FRAS1: variants seen among roughly 807,000 people sequenced by gnomAD.
FRAS1 encodes extracellular matrix organizing protein FRAS1.
Under a neutral mutation model 435.2 loss-of-function variants are expected in FRAS1, and 290 were observed. That is an observed-to-expected ratio of 0.67 (90% CI 0.61 to 0.73). The LOEUF (loss-of-function observed/expected upper bound fraction) is 0.73, where lower values mean the gene tolerates loss of function less well. Ranked by LOEUF, FRAS1 falls within the 30% of genes least tolerant of loss-of-function variation. The pLI is 0.00. For missense variants in FRAS1, 4,860 were observed against 5,001.5 expected (o/e 0.97, Z 0.85); for synonymous variants, 1,800 against 1,851.0 (o/e 0.97, Z 0.71).
chr4:78,219,771 C>T (rs1723970737), intron 2 of FRAS1, among the ~76,000 whole-genome samples: 1 of 152,124 alleles, frequency 6.6e-6, no homozygotes, highest in Non-Finnish European at 1.5e-5. Context: ...TTTTTGCTGC[C>T]ACTCCATAGA....
At chr4:78,193,951 C>T (rs1329598857) in intron 2 of FRAS1, among the ~76,000 whole-genome samples, 5 of 152,270 alleles carry the variant, frequency 3.3e-5, no homozygotes, top group East Asian at 1.9e-4. Context: ...TCAGGAGCTC[C>T]TTTAGGGCAG....
chr4:78,191,765 C>A (rs1040949980), intron 2 of FRAS1, among the ~76,000 whole-genome samples: 1 of 150,870 alleles, frequency 6.6e-6, no homozygotes, highest in African/African-American at 2.4e-5. Flanking sequence ...TTGTTCAATT[C>A]CCACCTATGA....
intron 12 of FRAS1, 87 bp downstream of exon 12, chr4:78,283,054 T>A: frequency 9.6e-7 from 1 of 1,044,510 alleles, no homozygotes; most frequent in Non-Finnish European, 1.3e-6. Context: ...TTGCTTCTTT[T>A]CATTTTTATT....
At chr4:78,502,586 G>A (rs1720717931) in intron 61 of FRAS1, among the ~76,000 whole-genome samples, 1 of 152,174 alleles carries the variant, frequency 6.6e-6, no homozygotes, top group Admixed American at 6.5e-5. Context: ...ACTTTCTGAA[G>A]TTGCTTATCA....
chr4:78,324,373 T>G (rs1729634196), intron 18 of FRAS1, among the ~76,000 whole-genome samples: 1 of 152,234 alleles, frequency 6.6e-6, no homozygotes, highest in African/African-American at 2.4e-5. Flanking sequence ...GTCTTGTGTT[T>G]ATCTGGCAAC....
At chr4:78,252,970 G>A (rs1725613008) in intron 5 of FRAS1, among the ~76,000 whole-genome samples, 1 of 152,148 alleles carries the variant, frequency 6.6e-6, no homozygotes, top group South Asian at 2.1e-4. Flanking sequence ...TGAGAGCAAA[G>A]AACTGGTCTG....
At chr4:78,283,175 T>C (rs748524396) in intron 12 of FRAS1, among the ~76,000 whole-genome samples, 2 of 152,270 alleles carry the variant, frequency 1.3e-5, no homozygotes, top group Non-Finnish European at 2.9e-5. Flanking sequence ...GCATGTGACC[T>C]TGGGCAAGTC....
At chr4:78,138,962 TG>T (rs1720043074) in intron 2 of FRAS1, among the ~76,000 whole-genome samples, 1 of 152,248 alleles carries the variant, frequency 6.6e-6, no homozygotes, top group African/African-American at 2.4e-5. Flanking sequence ...TTCTCTTGCG[TG>T]TGTGTACATG....
intron 2 of FRAS1, among the ~76,000 whole-genome samples, chr4:78,110,254 A>C (rs1742632765): frequency 1.1e-5 from 1 of 91,390 alleles, no homozygotes; most frequent in Non-Finnish European, 2.1e-5. Flanking sequence ...AAACTACTTT[A>C]AAGTTCATAT....
At chr4:78,254,300 A>G (rs1725688054) in intron 5 of FRAS1, among the ~76,000 whole-genome samples, 1 of 152,202 alleles carries the variant, frequency 6.6e-6, no homozygotes, top group African/African-American at 2.4e-5. Flanking sequence ...CAGCAACTGG[A>G]AGGTACACTC....
chr4:78,181,226 G>A, intron 2 of FRAS1: 1 of 1,609,520 alleles, frequency 6.2e-7, no homozygotes, highest in Non-Finnish European at 8.5e-7. Flanking sequence ...CTCATCCAAA[G>A]TCATCTCTTT....
intron 47 of FRAS1, among the ~76,000 whole-genome samples, chr4:78,462,804 G>A (rs1346923999): frequency 1.3e-5 from 2 of 152,160 alleles, no homozygotes; most frequent in Non-Finnish European, 2.9e-5. Context: ...AAAAATTAAT[G>A]CCCCCATATT....
chr4:78,524,273 G>C (rs1212705626), intron 69 of FRAS1, among the ~76,000 whole-genome samples: 1 of 152,176 alleles, frequency 6.6e-6, no homozygotes, highest in Admixed American at 6.5e-5. Flanking sequence ...TATCTTTTAG[G>C]AGCTTACCTT....
At chr4:78,533,929 C>A (rs1375754999) in intron 70 of FRAS1, among the ~76,000 whole-genome samples, 1 of 152,130 alleles carries the variant, frequency 6.6e-6, no homozygotes, top group African/African-American at 2.4e-5. Flanking sequence ...CAGAACTGAG[C>A]CTTGGGAGCG....
At position 78,508,831 on chromosome 4, in the gene FRAS1, G is replaced by A; in HGVS notation, c.9605G>A (p.Cys3202Tyr). ...TACCCACTGGTCTGTGTCACCCCCTGCGACCCTCATTTCCCCAGATACGCT... is the reference window on the plus strand; with the variant it reads ...TACCCACTGGTCTGTGTCACCCCCTACGACCCTCATTTCCCCAGATACGCT... ...PGYPLVCVTP[C>Y]DPHFPRYAVM... Residue 3202 changes from cysteine to tyrosine, a missense_variant, in exon 63 of 74, where the codon TGC (cysteine) becomes TAC (tyrosine). Coordinates refer to ENST00000512123, the MANE Select transcript of FRAS1 (RefSeq NM_025074.7). 1 of 1,613,758 alleles carries A rather than the reference G, an allele frequency of 6.2e-7. No homozygotes were observed. Among genetic ancestry groups the A allele is most frequent in the African/African-American group, 1.3e-5 (1 of 75,040 alleles).
chr4:78,194,122 A>G (rs1414933112), intron 2 of FRAS1, among the ~76,000 whole-genome samples: 1 of 152,128 alleles, frequency 6.6e-6, no homozygotes, highest in East Asian at 1.9e-4. Context: ...TGGCTTGTAG[A>G]GTTTCTGCCG....
intron 29 of FRAS1, among the ~76,000 whole-genome samples, chr4:78,400,153 GAAA>G (rs1732824469): frequency 1.3e-5 from 2 of 152,126 alleles, no homozygotes; most frequent in African/African-American, 4.8e-5. Context: ...TCTCTACTTA[GAAA>G]TCCAATTTTT....
chr4:78,261,923 C>A (rs894687200), intron 6 of FRAS1, among the ~76,000 whole-genome samples: 2 of 152,150 alleles, frequency 1.3e-5, no homozygotes, highest in Non-Finnish European at 2.9e-5. Flanking sequence ...TCCTTTCCTA[C>A]CTATCATTCT....
rs1304468027 is a variant in FRAS1 at position 78,407,931 on chromosome 4, G to T, written c.4308+90G>T. ...TAATCAACTTGAGTAATTTTCTGCA[G>T]TTGACAGGAAATCACATTTGGGGGA... On this transcript the variant is annotated intron_variant, in intron 31 of 73. Coordinates refer to ENST00000512123, the MANE Select transcript of FRAS1 (RefSeq NM_025074.7). The T allele has an allele frequency of 4.3e-6, 5 of 1,168,468 alleles. No homozygotes were observed. The African/African-American group carries it at 6.3e-5, about 15-fold the overall frequency. 72.4% of individuals were successfully genotyped at this position (1,168,468 alleles called of 1,614,324 possible). A position where few individuals can be genotyped will look rare whatever the true frequency, so the allele number is the denominator to read the frequency against.
Sources: allele counts gnomAD v4.1 joint callset (sites outside exome capture counted in the v4.1 genomes callset), GRCh38; gene constraint gnomAD v4.1.1; transcripts MANE v1.5; gene names NCBI Gene and HGNC (gene_info 2026-07-23, HGNC 2026-07-21).